Variants in UBR1 observed in about 807,000 individuals in gnomAD.
UBR1 encodes the protein E3 ubiquitin-protein ligase UBR1.
UBR1 carries 102 observed loss-of-function variants against 242.1 expected under a neutral mutation model. That is an observed-to-expected ratio of 0.42 (90% CI 0.36 to 0.50). The LOEUF is 0.50. Ranked by LOEUF, UBR1 falls within the 20% of genes least tolerant of loss-of-function variation. UBR1 has a pLI of 0.01. For synonymous variants in UBR1, 675 were observed against 684.8 expected (o/e 0.99, Z 0.22); for missense variants, 1,772 against 2,101.8 (o/e 0.84, Z 3.07).
intron 1 of UBR1, among the ~76,000 whole-genome samples, chr15:43,088,434 AT>A (rs2034064383): frequency 6.6e-6 from 1 of 152,146 alleles, no homozygotes; most frequent in African/African-American, 2.4e-5. Flanking sequence ...ACATAATTTC[AT>A]TTTTGTAAAA....
At chr15:42,952,552 C>T in intron 44 of UBR1, 104 bp from the exon 45 acceptor site, 1 of 1,296,354 alleles carries the variant, frequency 7.7e-7, no homozygotes, top group South Asian at 1.2e-5. Flanking sequence ...TCACTGACCC[C>T]TTTCCAGCAA....
intron 45 of UBR1, 134 bp from the exon 46 acceptor site, chr15:42,950,497 C>A (rs762648869): frequency 2.8e-6 from 2 of 711,992 alleles, no homozygotes; most frequent in Non-Finnish European, 2.5e-6. Flanking sequence ...TATAAACAGA[C>A]AAATAGACTA....
intron 30 of UBR1, among the ~76,000 whole-genome samples, chr15:43,004,685 A>G (rs1056021767): frequency 2.0e-5 from 3 of 152,140 alleles, no homozygotes; most frequent in Non-Finnish European, 2.9e-5. Context: ...TCAGTGCTCA[A>G]TGGTGCCCAG....
At chr15:43,104,159 C>T (rs2034269865) in intron 1 of UBR1, among the ~76,000 whole-genome samples, 1 of 152,090 alleles carries the variant, frequency 6.6e-6, no homozygotes, top group Non-Finnish European at 1.5e-5. Flanking sequence ...AAAGCCCTGC[C>T]CAACAAAATC....
At chr15:42,946,760 C>T (rs917185769) in intron 46 of UBR1, among the ~76,000 whole-genome samples, 1 of 152,084 alleles carries the variant, frequency 6.6e-6, no homozygotes, top group African/African-American at 2.4e-5. Context: ...CAGTAGGACC[C>T]CAGTTCCTAC....
chr15:43,064,415 G>A (rs1410014009), intron 6 of UBR1, among the ~76,000 whole-genome samples: 1 of 151,932 alleles, frequency 6.6e-6, no homozygotes, highest in African/African-American at 2.4e-5. Flanking sequence ...GCTGAAAACA[G>A]GAAAAAAATT....
At chr15:43,027,140 A>T (rs1333878603) in intron 22 of UBR1, among the ~76,000 whole-genome samples, 1 of 152,250 alleles carries the variant, frequency 6.6e-6, no homozygotes, top group Non-Finnish European at 1.5e-5. Context: ...CACTGAGGTC[A>T]AAAGGAGTAC....
chr15:43,089,634 G>T (rs1235945575), intron 1 of UBR1, among the ~76,000 whole-genome samples: 1 of 152,102 alleles, frequency 6.6e-6, no homozygotes, highest in Non-Finnish European at 1.5e-5. Context: ...TAGAGAAGGG[G>T]TCTCACCTAG....
chr15:43,097,236 T>C (rs1340016782), intron 1 of UBR1, among the ~76,000 whole-genome samples: 2 of 152,174 alleles, frequency 1.3e-5, no homozygotes, highest in African/African-American at 4.8e-5. Flanking sequence ...AAGAATCTTT[T>C]TTTTTTCTCA....
At chr15:42,946,193 C>T (rs1360757470) in intron 46 of UBR1, among the ~76,000 whole-genome samples, 1 of 152,012 alleles carries the variant, frequency 6.6e-6, no homozygotes, top group African/African-American at 2.4e-5. Flanking sequence ...GGTACGATCA[C>T]GGCTCAGGGC....
chr15:43,070,644 C>T lies in UBR1; in HGVS notation c.659+151G>A, dbSNP rs943792567. On this transcript the variant is annotated intron_variant, in intron 5 of 46. Coordinates refer to ENST00000290650, the MANE Select transcript of UBR1 (RefSeq NM_174916.3). ...TGCCTAGCAAAGTATCTCATACAAACGGACATTTTGAAATATTCCCAAGAG... is the reference window on the plus strand; with the variant it reads ...TGCCTAGCAAAGTATCTCATACAAATGGACATTTTGAAATATTCCCAAGAG... 8.7e-5 allele frequency: 106 copies of T among 1,215,800 alleles called. No homozygotes were observed. In the African/African-American group the frequency reaches 1.2e-3, roughly 13 times the overall value. 75.3% of individuals were successfully genotyped at this position (1,215,800 alleles called of 1,614,324 possible). A position where few individuals can be genotyped will look rare whatever the true frequency, so the allele number is the denominator to read the frequency against.
In UBR1 at chr15:42,957,068, A is replaced by G. The variant is rs561970957; in HGVS notation, c.4835+945T>C. On this transcript the variant is annotated intron_variant, in intron 44 of 46. Transcript: ENST00000290650. ...TTTATGTCCACAAAGAAACTTGTAGATGAGTATTTTTTTTAGTAGCATTAT... is the reference window on the plus strand; with the variant it reads ...TTTATGTCCACAAAGAAACTTGTAGGTGAGTATTTTTTTTAGTAGCATTAT... Among the ~76,000 whole-genome samples the G allele has an allele frequency of 9.2e-5, 14 of 152,352 alleles. No individual in the cohort carries two copies. The East Asian group carries it at 2.7e-3, about 29-fold the overall frequency.
chr15:42,963,417 A>C (rs1567109444), intron 42 of UBR1, among the ~76,000 whole-genome samples: 1 of 152,200 alleles, frequency 6.6e-6, no homozygotes, highest in Admixed American at 6.5e-5. Flanking sequence ...GGAGGTTAGC[A>C]GCATTGACAG....
intron 45 of UBR1, among the ~76,000 whole-genome samples, chr15:42,951,169 G>T (rs2031826524): frequency 6.6e-6 from 1 of 152,166 alleles, no homozygotes; most frequent in Non-Finnish European, 1.5e-5. Context: ...TATCCACTTT[G>T]AATTTTATTT....
At chr15:43,082,806 T>G in intron 2 of UBR1, 90 bp from the exon 3 acceptor site, 1 of 926,072 alleles carries the variant, frequency 1.1e-6, no homozygotes, top group Non-Finnish European at 1.8e-6. Flanking sequence ...ACAAGTTTCC[T>G]CTATGGTACA....
Position 42,990,065 on chromosome 15 carries a change from C to T in UBR1, c.3813G>A (p.Glu1271=). ...CGCCAAAACTCAGGATGGAATGGAA[C>T]TCCAAAGTAGAATCTCCCATTCCTT... The part of the protein sequence containing the change: ...FNQGMGDSTL[E]FHSILSFGVE... Residue 1271 remains glutamate (E), a synonymous_variant, in exon 34 of 47, where the codon GAG becomes GAA. Coordinates refer to ENST00000290650, the MANE Select transcript of UBR1 (RefSeq NM_174916.3). 1.2e-6 allele frequency: 2 copies of T among 1,609,292 alleles called. No individual in the cohort carries two copies. Among genetic ancestry groups the T allele is most frequent in the South Asian group, 2.2e-5 (2 of 90,290 alleles).
chr15:42,982,988 A>G (rs1195088239), intron 37 of UBR1, among the ~76,000 whole-genome samples: 4 of 152,180 alleles, frequency 2.6e-5, no homozygotes, highest in Non-Finnish European at 5.9e-5. Context: ...CCAAAAGGAA[A>G]GCAAAATCAC....
intron 39 of UBR1, among the ~76,000 whole-genome samples, chr15:42,971,937 T>C (rs148480345): frequency 6.6e-6 from 1 of 152,336 alleles, no homozygotes; most frequent in East Asian, 1.9e-4. Flanking sequence ...TCTGTCTCTA[T>C]GCACACACAA....
chr15:43,011,933 A>G, intron 29 of UBR1: 1 of 453,378 alleles, frequency 2.2e-6, no homozygotes, highest in Non-Finnish European at 4.4e-6. Flanking sequence ...ATGATGTAGA[A>G]TCTACATTAT....
Sources: allele counts gnomAD v4.1 joint callset (sites outside exome capture counted in the v4.1 genomes callset), GRCh38; gene constraint gnomAD v4.1.1; transcripts MANE v1.5; gene names NCBI Gene and HGNC (gene_info 2026-07-23, HGNC 2026-07-21).